Variants in LPP observed in about 807,000 individuals in gnomAD.
The protein encoded by LPP is LIM domain containing preferred translocation partner in lipoma.
Under a neutral mutation model 60.4 loss-of-function variants are expected in LPP, and 38 were observed. The observed-to-expected ratio is 0.63, with a 90% CI of 0.49 to 0.83. The LOEUF is 0.83. Among genes scored for constraint, LPP ranks in the 40% least tolerant of loss-of-function variants. The pLI is 0.00. For synonymous variants in LPP, 328 were observed against 290.8 expected (o/e 1.13, Z -1.30); for missense variants, 902 against 783.6 (o/e 1.15, Z -1.80).
At chr3:188,497,524 A>G (rs764791529) in intron 5 of LPP, among the ~76,000 whole-genome samples, 1 of 152,168 alleles carries the variant, frequency 6.6e-6, no homozygotes, top group African/African-American at 2.4e-5. Flanking sequence ...GTATATTGAA[A>G]AGAGAATGAG....
intron 2 of LPP, among the ~76,000 whole-genome samples, chr3:188,301,036 T>A (rs757212832): frequency 6.6e-6 from 1 of 152,200 alleles, no homozygotes; most frequent in Non-Finnish European, 1.5e-5. Flanking sequence ...CTTCTACATT[T>A]GCCCTAGTTC....
intron 1 of LPP, among the ~76,000 whole-genome samples, chr3:188,195,243 G>A (rs1729204553): frequency 6.6e-6 from 1 of 151,232 alleles, no homozygotes; most frequent in Non-Finnish European, 1.5e-5. Context: ...TGGGCGACAA[G>A]AGCGAGACTC....
At chr3:188,311,731 C>T (rs1048330403) in intron 2 of LPP, among the ~76,000 whole-genome samples, 5 of 151,858 alleles carry the variant, frequency 3.3e-5, no homozygotes, top group African/African-American at 9.7e-5. Context: ...CTCCATGTCC[C>T]GAATTCAAGC....
intron 1 of LPP, among the ~76,000 whole-genome samples, chr3:188,190,700 A>G (rs1727920823): frequency 6.6e-6 from 1 of 152,188 alleles, no homozygotes; most frequent in Non-Finnish European, 1.5e-5. Flanking sequence ...TTGTGTTTTT[A>G]CATCCTAGTC....
In LPP at chr3:188,614,676, CA is replaced by C. The variant is rs533724608; in HGVS notation, c.1113+4833del. ...TCATCGGACAGCCACAGCTCCAAGT[CA>C]GGTCTTCTAAAGATTGTTCCCATGC... On this transcript the variant is annotated intron_variant, in intron 7 of 11. Coordinates refer to ENST00000617246, the MANE Select transcript of LPP (RefSeq NM_001375462.1). Among the ~76,000 whole-genome samples the C allele has an allele frequency of 3.7e-3, 560 of 152,312 alleles. 4 individuals carry two copies. The highest frequency in any genetic ancestry group is 0.012 in the African/African-American group (503 of 41,572).
intron 1 of LPP, among the ~76,000 whole-genome samples, chr3:188,215,814 C>G (rs1438563620): frequency 2.0e-5 from 3 of 152,144 alleles, no homozygotes; most frequent in Non-Finnish European, 4.4e-5. Flanking sequence ...CAGGAGTAAG[C>G]AGATATTGGA....
chr3:188,461,786 G>T (rs1290757287), intron 4 of LPP, among the ~76,000 whole-genome samples: 1 of 152,102 alleles, frequency 6.6e-6, no homozygotes, highest in Admixed American at 6.5e-5. Flanking sequence ...CCTTAATGAG[G>T]TTTTAAGGGA....
At chr3:188,389,093 C>T (rs191159298) in intron 3 of LPP, among the ~76,000 whole-genome samples, 11 of 151,882 alleles carry the variant, frequency 7.2e-5, no homozygotes, top group African/African-American at 2.4e-4. Flanking sequence ...TTATATTTCC[C>T]TGATTATTAT....
intron 7 of LPP, among the ~76,000 whole-genome samples, chr3:188,660,769 T>G (rs1000063033): frequency 1.3e-5 from 2 of 152,078 alleles, no homozygotes; most frequent in Admixed American, 6.5e-5. Context: ...ATCCCACAAA[T>G]GCATATTCTT....
intron 8 of LPP, among the ~76,000 whole-genome samples, chr3:188,740,494 AAT>A (rs1263749047): frequency 6.6e-6 from 1 of 152,084 alleles, no homozygotes; most frequent in African/African-American, 2.4e-5. Flanking sequence ...TTTATTCCAC[AAT>A]GTTAGAAAAA....
chr3:188,408,627 T>C (rs111716359), intron 4 of LPP, among the ~76,000 whole-genome samples: 56 of 152,304 alleles, frequency 3.7e-4, no homozygotes, highest in African/African-American at 1.2e-3. Context: ...CTTTGACTTA[T>C]CCAAATTTCT....
At chr3:188,689,821 T>G (rs1192078135) in intron 7 of LPP, among the ~76,000 whole-genome samples, 1 of 152,204 alleles carries the variant, frequency 6.6e-6, no homozygotes, top group Non-Finnish European at 1.5e-5. Context: ...GCTACCTGTT[T>G]GTTAGAGGTT....
chr3:188,402,101 T>G (rs1578628796), intron 3 of LPP, among the ~76,000 whole-genome samples: 1 of 152,112 alleles, frequency 6.6e-6, no homozygotes, highest in Non-Finnish European at 1.5e-5. Context: ...TTAATGTCTG[T>G]TAAAAGAAGA....
intron 5 of LPP, among the ~76,000 whole-genome samples, chr3:188,511,473 TA>T: frequency 6.6e-6 from 1 of 152,006 alleles, no homozygotes; most frequent in South Asian, 2.1e-4. Flanking sequence ...TTTTCAATTG[TA>T]ATTGTAGCCA....
chr3:188,244,867 C>T (rs182180578), intron 2 of LPP, among the ~76,000 whole-genome samples: 3 of 152,244 alleles, frequency 2.0e-5, no homozygotes, highest in South Asian at 4.1e-4. Context: ...GCATGTACAT[C>T]GGTATCTGGT....
At chr3:188,570,538 C>T (rs2150835236) in intron 6 of LPP, among the ~76,000 whole-genome samples, 1 of 152,102 alleles carries the variant, frequency 6.6e-6, no homozygotes, top group South Asian at 2.1e-4. Flanking sequence ...GCAGAGAGTA[C>T]CAGATAGGAC....
At chr3:188,267,651 C>A (rs1736065752) in intron 2 of LPP, among the ~76,000 whole-genome samples, 1 of 152,180 alleles carries the variant, frequency 6.6e-6, no homozygotes, top group African/African-American at 2.4e-5. Flanking sequence ...ATGACCTGTG[C>A]TCAGCATTCT....
At chr3:188,427,385 A>G (rs138708172) in intron 4 of LPP, among the ~76,000 whole-genome samples, 1 of 151,426 alleles carries the variant, frequency 6.6e-6, no homozygotes, top group Non-Finnish European at 1.5e-5. Context: ...TGCCCTTAAC[A>G]TTTTTTCCTT....
intron 2 of LPP, among the ~76,000 whole-genome samples, chr3:188,300,025 C>A (rs183003072): frequency 1.3e-5 from 2 of 152,316 alleles, no homozygotes; most frequent in South Asian, 4.1e-4. Context: ...TAAAACAGAA[C>A]AGACATTTCT....
Sources: gnomAD v4.1 joint callset for allele counts (sites outside exome capture counted in the v4.1 genomes callset) on GRCh38, gnomAD v4.1.1 for gene constraint, MANE v1.5 for transcripts, NCBI Gene and HGNC (gene_info 2026-07-23, HGNC 2026-07-21) for gene names.